ANK3: variants seen among roughly 807,000 people sequenced by gnomAD.
The protein encoded by ANK3 is ankyrin 3.
ANK3 carries 57 observed loss-of-function variants against 370.9 expected under a neutral mutation model. That is an observed-to-expected ratio of 0.15 (90% CI 0.12 to 0.19). The LOEUF (loss-of-function observed/expected upper bound fraction) is 0.19, where lower values mean the gene tolerates loss of function less well. Ranked by LOEUF, ANK3 falls within the 10% of genes least tolerant of loss-of-function variation. The pLI, the probability that ANK3 is intolerant of heterozygous loss-of-function variation, is 1.00. For missense variants in ANK3, 4,439 were observed against 5,302.1 expected, an observed-to-expected ratio of 0.84 and a Z score of 5.06; for synonymous variants, 1,929 against 1,946.3, an observed-to-expected ratio of 0.99 and a Z score of 0.23.
chr10:60,232,057 T>A (rs563953061), intron 8 of ANK3, among the ~76,000 whole-genome samples: 1 of 152,278 alleles, frequency 6.6e-6, no homozygotes, highest in South Asian at 2.1e-4. Flanking sequence ...ATTTGTATGT[T>A]TTTCTCCTGG....
intron 43 of ANK3, among the ~76,000 whole-genome samples, chr10:60,039,565 T>G (rs1262444571): frequency 1.3e-5 from 2 of 152,222 alleles, no homozygotes; most frequent in African/African-American, 4.8e-5. Context: ...CTTTTGGGTC[T>G]TTAATGATCA....
At position 60,055,611 on chromosome 10, in the gene ANK3, G is replaced by A. The variant is rs12254031; in HGVS notation, c.13065+47C>T. 9.5e-3 allele frequency: 14,603 copies of A among 1,537,786 alleles called. 252 individuals are homozygous for A. Among genetic ancestry groups the A allele is most frequent in the African/African-American group, 0.065 (4,720 of 72,106 alleles). On this transcript the variant is annotated intron_variant, in intron 42 of 43. Coordinates refer to ENST00000280772, the MANE Select transcript of ANK3 (RefSeq NM_020987.5). ...GATCAATCCAAAGAAGTAAAGCACC[G>A]ATACTTTCCATTTCAATGACTGCTA... is the stretch of plus-strand genomic sequence containing the variant.
intron 2 of ANK3, among the ~76,000 whole-genome samples, chr10:60,470,066 T>C (rs939773604): frequency 3.9e-5 from 6 of 152,124 alleles, no homozygotes; most frequent in African/African-American, 1.4e-4. Flanking sequence ...CTCTTATAGA[T>C]GGGAAAATAT....
intron 8 of ANK3, among the ~76,000 whole-genome samples, chr10:60,228,532 C>CAAAA (rs72450397): frequency 2.1e-5 from 2 of 94,922 alleles, no homozygotes; most frequent in South Asian, 3.8e-4. Flanking sequence ...ACTGTGTCTC[C>CAAAA]AAAAAAAAAA....
intron 7 of ANK3, among the ~76,000 whole-genome samples, chr10:60,246,365 T>C (rs1592397530): frequency 6.6e-6 from 1 of 152,068 alleles, no homozygotes. Flanking sequence ...GAAATAGGTC[T>C]TTTTAGACAA....
At position 60,085,252 on chromosome 10, in the gene ANK3, C is replaced by T. The variant is rs771634207; in HGVS notation, c.3750G>A (p.Gly1250=). 1.2e-6 allele frequency: 2 copies of T among 1,608,452 alleles called. No individual in the cohort carries two copies. Among genetic ancestry groups the T allele is most frequent in the South Asian group, 1.1e-5 (1 of 90,138 alleles). The change falls in exon 31 of 44, where the codon GGG becomes GGA. Residue 1250 remains glycine, a splice_region_variant and synonymous_variant. Transcript: ENST00000280772. The part of the protein sequence containing the change: ...PNLRLLCSIT[G]GTSPAQWEDI... ...CTTCCCACTGAGCAGGCGAAGTGCC[C>T]CCTGAGAGAACAACAGCAGATATGT...
At chr10:60,332,925 C>T (rs1384320787) in intron 1 of ANK3, among the ~76,000 whole-genome samples, 2 of 152,106 alleles carry the variant, frequency 1.3e-5, no homozygotes, top group Non-Finnish European at 2.9e-5. Context: ...ATAAACCACA[C>T]CATTCCAGTA....
In ANK3 at chr10:60,079,174, T is replaced by TACACACACACACACACAC. The variant is rs58239281; in HGVS notation, c.4432+1345_4432+1362dup. On this transcript the variant is annotated intron_variant, in intron 36 of 43. Transcript: ENST00000280772. Reference sequence around the variant, plus strand: ...ACTGGAAACCACCTAGCTACCTAGCTACACACACACACACACACACACACA... The same window carrying TACACACACACACACACAC: ...ACTGGAAACCACCTAGCTACCTAGCTACACACACACACACACACACACACACACACACACACACACACA... 7.2e-3 allele frequency among the ~76,000 whole-genome samples: 820 copies of TACACACACACACACACAC among 113,816 alleles called. 17 individuals are homozygous for TACACACACACACACACAC. Among genetic ancestry groups the TACACACACACACACACAC allele is most frequent in the African/African-American group, 0.014 (406 of 28,884 alleles). The allele number at this position is 113,816 out of a possible 152,430, so 74.7% of individuals were successfully genotyped here.
intron 1 of ANK3, among the ~76,000 whole-genome samples, chr10:60,304,952 C>T (rs1030380366): frequency 6.6e-6 from 1 of 152,160 alleles, no homozygotes; most frequent in Non-Finnish European, 1.5e-5. Context: ...GTGCCTGTTT[C>T]TCAATTGACA....
intron 8 of ANK3, among the ~76,000 whole-genome samples, chr10:60,215,018 C>A (rs1336869532): frequency 1.3e-5 from 2 of 152,132 alleles, no homozygotes; most frequent in Non-Finnish European, 2.9e-5. Flanking sequence ...GCCTCCCCAG[C>A]ATCTATTGTT....
At chr10:60,477,401 AATT>A (rs2075095046) in intron 2 of ANK3, among the ~76,000 whole-genome samples, 1 of 152,036 alleles carries the variant, frequency 6.6e-6, no homozygotes, top group African/African-American at 2.4e-5. Flanking sequence ...GAATCACAGA[AATT>A]ATATTTTTCT....
chr10:60,700,544 G>C (rs1397567017), intron 1 of ANK3, among the ~76,000 whole-genome samples: 2 of 152,136 alleles, frequency 1.3e-5, no homozygotes, highest in African/African-American at 4.8e-5. Context: ...TGGGGCAGAG[G>C]TGGCCAGCTG....
intron 7 of ANK3, among the ~76,000 whole-genome samples, chr10:60,245,121 A>G (rs1235741995): frequency 6.6e-6 from 1 of 152,144 alleles, no homozygotes; most frequent in Non-Finnish European, 1.5e-5. Flanking sequence ...GTGAGCCGAG[A>G]TTGCGCCACT....
At chr10:60,365,529 T>C (rs1033267434) in intron 1 of ANK3, among the ~76,000 whole-genome samples, 1 of 152,234 alleles carries the variant, frequency 6.6e-6, no homozygotes, top group African/African-American at 2.4e-5. Context: ...CTCTCTTGGT[T>C]GTCTAGTGTT....
chr10:60,110,469 G>A (rs2092623033), intron 26 of ANK3, among the ~76,000 whole-genome samples: 1 of 151,868 alleles, frequency 6.6e-6, no homozygotes, highest in Admixed American at 6.6e-5. Context: ...TGGGAGATTG[G>A]GACCACTACG....
chr10:60,181,519 G>T, intron 17 of ANK3, 92 bp from the exon 18 acceptor site: 1 of 1,199,664 alleles, frequency 8.3e-7, no homozygotes, highest in Non-Finnish European at 1.2e-6. Flanking sequence ...TTCTAAGATG[G>T]TAAGCCGAGA....
intron 7 of ANK3, among the ~76,000 whole-genome samples, chr10:60,235,990 A>G (rs1422158761): frequency 1.3e-5 from 2 of 152,198 alleles, no homozygotes; most frequent in African/African-American, 4.8e-5. Flanking sequence ...ACTCTTCAAC[A>G]CTTAAACTCT....
At chr10:60,699,358 T>C (rs887685969) in intron 1 of ANK3, among the ~76,000 whole-genome samples, 5 of 152,134 alleles carry the variant, frequency 3.3e-5, no homozygotes, top group African/African-American at 1.2e-4. Context: ...ATTCAAGTAA[T>C]AACTAATATT....
At chr10:60,059,479 T>C (rs529325342) in intron 40 of ANK3, 49 bp from the exon 41 acceptor site, 125 of 1,494,850 alleles carry the variant, frequency 8.4e-5, no homozygotes, top group South Asian at 6.1e-4. Flanking sequence ...CGCTTAAGAA[T>C]AGCCTGTACT....
Sources: gnomAD v4.1 joint callset for allele counts (sites outside exome capture counted in the v4.1 genomes callset) on GRCh38, gnomAD v4.1.1 for gene constraint, MANE v1.5 for transcripts, NCBI Gene and HGNC (gene_info 2026-07-23, HGNC 2026-07-21) for gene names.